TRAPPC9: variants seen among roughly 807,000 people sequenced by gnomAD.
TRAPPC9 encodes IKK2 binding protein.
TRAPPC9 carries 83 observed loss-of-function variants against 124.0 expected under a neutral mutation model. The ratio of observed to expected loss-of-function variants is 0.67; its 90% CI spans 0.56 to 0.80. The LOEUF (loss-of-function observed/expected upper bound fraction) is 0.80, where lower values mean the gene tolerates loss of function less well. TRAPPC9 is among the 30% of genes least tolerant of loss of function. The probability of loss-of-function intolerance (pLI) is 0.00; values close to 1 mark genes in which losing one functional copy is unlikely to be tolerated. For synonymous variants in TRAPPC9, 638 were observed against 617.5 expected, an observed-to-expected ratio of 1.03 and a Z score of -0.49; for missense variants, 1,302 against 1,508.3, an observed-to-expected ratio of 0.86 and a Z score of 2.27.
chr8:140,326,998 T>C (rs560929588), intron 9 of TRAPPC9, among the ~76,000 whole-genome samples: 1 of 152,198 alleles, frequency 6.6e-6, no homozygotes, highest in East Asian at 1.9e-4. Flanking sequence ...ATGCCTGTAA[T>C]CCCAGCACTC....
intron 19 of TRAPPC9, among the ~76,000 whole-genome samples, chr8:139,951,171 A>G (rs1194835540): frequency 1.3e-5 from 2 of 152,180 alleles, no homozygotes; most frequent in African/African-American, 4.8e-5. Context: ...GGGAAGGAAC[A>G]AAGCCTCTGC....
intron 7 of TRAPPC9, among the ~76,000 whole-genome samples, 170 bp from the exon 8 acceptor site, chr8:140,371,350 A>G (rs1388593733): frequency 6.6e-6 from 1 of 152,286 alleles, no homozygotes; most frequent in East Asian, 1.9e-4. Flanking sequence ...AGGTGGCTTC[A>G]GACCTTCCCC....
Position 139,825,673 on chromosome 8 carries a change from C to T in TRAPPC9, c.3055+60206G>A, listed in dbSNP as rs1825575324. Among the ~76,000 whole-genome samples the T allele has an allele frequency of 6.6e-6, 1 of 152,082 alleles. No individual in the cohort carries two copies. Among genetic ancestry groups the T allele is most frequent in the South Asian group, 2.1e-4 (1 of 4,816 alleles). On this transcript the variant is annotated intron_variant, in intron 21 of 22. Transcript: ENST00000438773. The surrounding 1 kb of genome is among the most constrained non-coding windows in gnomAD (Gnocchi z 4.6). ...TGGCTCTGGTTTGTTTGCTTTGGGC[C>T]AGGGCTTCTGCAGGACACAGCCAGT...
chr8:140,214,786 C>A (rs145668402), intron 17 of TRAPPC9, among the ~76,000 whole-genome samples: 1 of 152,186 alleles, frequency 6.6e-6, no homozygotes, highest in Non-Finnish European at 1.5e-5. Flanking sequence ...TGGACAGACA[C>A]AGTCACTCTA....
intron 17 of TRAPPC9, among the ~76,000 whole-genome samples, chr8:140,184,167 T>C (rs1587875199): frequency 1.3e-5 from 2 of 152,240 alleles, no homozygotes; most frequent in African/African-American, 2.4e-5. Context: ...AGGGCAGACA[T>C]ATCCGTGAGG....
chr8:140,288,521 A>G (rs1239068750), intron 12 of TRAPPC9, among the ~76,000 whole-genome samples: 1 of 152,190 alleles, frequency 6.6e-6, no homozygotes, highest in Non-Finnish European at 1.5e-5. Flanking sequence ...CAGTACAGGT[A>G]TGTCAGCCCT....
Position 140,457,744 on chromosome 8 carries a change from T to G in TRAPPC9, c.-116A>C. The G allele has an allele frequency of 1.0e-6, 1 of 994,264 alleles. No homozygotes were observed. Among genetic ancestry groups the G allele is most frequent in the East Asian group, 1.1e-4 (1 of 8,898 alleles). The allele number at this position is 994,264 out of a possible 1,614,324, so 61.6% of individuals were successfully genotyped here. On this transcript the variant is annotated 5_prime_UTR_variant, in exon 1 of 23. Coordinates refer to ENST00000438773, the MANE Select transcript of TRAPPC9 (RefSeq NM_001160372.4). ...CAGGCTCTGGGCTGGCGCTTCCTAC[T>G]GGCGGCCGAGCCGGCGCTGCTCCTG...
At chr8:140,390,920 A>T (rs1381919610) in intron 7 of TRAPPC9, among the ~76,000 whole-genome samples, 1 of 152,346 alleles carries the variant, frequency 6.6e-6, no homozygotes, top group East Asian at 1.9e-4. Flanking sequence ...TGTTTCAGCC[A>T]TAGCTAAGCT....
At chr8:139,890,565 G>A (rs989496749) in intron 20 of TRAPPC9, among the ~76,000 whole-genome samples, 5 of 152,188 alleles carry the variant, frequency 3.3e-5, no homozygotes, top group East Asian at 3.9e-4. Flanking sequence ...GCTGGGCGAC[G>A]AGGGGTCAAA....
intron 21 of TRAPPC9, among the ~76,000 whole-genome samples, chr8:139,827,380 A>C (rs911480592): frequency 5.3e-5 from 8 of 152,202 alleles, no homozygotes; most frequent in African/African-American, 1.4e-4. Context: ...GATCCCCGTA[A>C]TCCCTTTGGA....
rs1831044768 is a variant in TRAPPC9 at position 139,901,905 on chromosome 8, T to C, written c.2964+8242A>G. On this transcript the variant is annotated intron_variant, in intron 20 of 22. Coordinates refer to ENST00000438773, the MANE Select transcript of TRAPPC9 (RefSeq NM_001160372.4). Reference sequence around the variant, plus strand: ...ATAAAACTACTTCAGAGAGTTGTTGTGAAAGTGAAGGGAATAAATCTGTAT... The same window carrying C: ...ATAAAACTACTTCAGAGAGTTGTTGCGAAAGTGAAGGGAATAAATCTGTAT... Among the ~76,000 whole-genome samples, 4 of 152,132 alleles carry C rather than the reference T, an allele frequency of 2.6e-5. No homozygotes were observed. In the South Asian group the frequency reaches 8.3e-4, roughly 32 times the overall value.
chr8:140,306,696 A>G (rs2066147228), intron 10 of TRAPPC9, among the ~76,000 whole-genome samples: 2 of 152,182 alleles, frequency 1.3e-5, no homozygotes, highest in South Asian at 4.1e-4. Flanking sequence ...TAAGAAGAGA[A>G]GCATATAACC....
intron 20 of TRAPPC9, among the ~76,000 whole-genome samples, chr8:139,891,664 A>G (rs1267901232): frequency 6.6e-6 from 1 of 152,188 alleles, no homozygotes; most frequent in Non-Finnish European, 1.5e-5. Context: ...ATGAGTTATC[A>G]TCAAACTCGG....
rs1433284109 is a variant in TRAPPC9 at position 140,156,940 on chromosome 8, C to CTTTCCATTCAAAAGCCTCCCT, written c.2556+64498_2556+64518dup. Among the ~76,000 whole-genome samples, 9 of 141,130 alleles carry CTTTCCATTCAAAAGCCTCCCT rather than the reference C, an allele frequency of 6.4e-5. 1 individual carries two copies. Among genetic ancestry groups the CTTTCCATTCAAAAGCCTCCCT allele is most frequent in the South Asian group, 2.2e-4 (1 of 4,462 alleles). 92.6% of individuals were successfully genotyped at this position (141,130 alleles called of 152,430 possible). ...TGCAGGAAACATTGGAAAAGCCTCC[C>CTTTCCATTCAAAAGCCTCCCT]TTTCCATTCAAAAGCCTCCCTTTTC... On this transcript the variant is annotated intron_variant, in intron 17 of 22. Transcript: ENST00000438773.
At position 139,784,612 on chromosome 8, in the gene TRAPPC9, T is replaced by A. The variant is rs1452840862; in HGVS notation, c.3056-52410A>T. ...AATAAATAAATAAAAGACTGACATA[T>A]ATATATATATATATATATATATATA... On this transcript the variant is annotated intron_variant, in intron 21 of 22. Transcript: ENST00000438773. Among the ~76,000 whole-genome samples, 48 of 32,434 alleles carry A rather than the reference T, an allele frequency of 1.5e-3. 1 individual carries two copies. The highest frequency in any genetic ancestry group is 7.2e-3 in the African/African-American group (46 of 6,402). The allele number at this position is 32,434 out of a possible 152,430, so 21.3% of individuals were successfully genotyped here.
At chr8:139,804,919 C>T (rs1027345971) in intron 21 of TRAPPC9, among the ~76,000 whole-genome samples, 1 of 152,178 alleles carries the variant, frequency 6.6e-6, no homozygotes, top group African/African-American at 2.4e-5. Flanking sequence ...AAGGAAAGCT[C>T]CCCACCAGCC....
At chr8:139,928,017 T>C (rs1205662817) in intron 19 of TRAPPC9, among the ~76,000 whole-genome samples, 1 of 152,170 alleles carries the variant, frequency 6.6e-6, no homozygotes, top group Non-Finnish European at 1.5e-5. Context: ...GTGCTGAAAA[T>C]TCCTTGCGTA....
At chr8:140,396,488 C>T (rs1348568737) in intron 7 of TRAPPC9, among the ~76,000 whole-genome samples, 1 of 151,918 alleles carries the variant, frequency 6.6e-6, no homozygotes, top group Non-Finnish European at 1.5e-5. Context: ...GCCCCAAATG[C>T]TTCACCTGGC....
intron 17 of TRAPPC9, chr8:140,098,033 G>A (rs1394983196): frequency 6.6e-6 from 1 of 151,384 alleles, no homozygotes; most frequent in Non-Finnish European, 1.5e-5. Flanking sequence ...GTGTCACCCA[G>A]GTAGCTCTCA....
Sources: allele counts gnomAD v4.1 joint callset (sites outside exome capture counted in the v4.1 genomes callset), GRCh38; gene constraint gnomAD v4.1.1; non-coding constraint Gnocchi (gnomAD v3.1); transcripts MANE v1.5; gene names NCBI Gene and HGNC (gene_info 2026-07-23, HGNC 2026-07-21).